Variants in CLEC7A observed in about 807,000 individuals in gnomAD.
The protein encoded by CLEC7A is C-type lectin domain containing 7A, also known as C-type lectin domain family 7 member A.
CLEC7A carries 25 observed loss-of-function variants against 26.9 expected under a neutral mutation model. The observed-to-expected ratio is 0.93, with a 90% CI of 0.68 to 1.30. The LOEUF is 1.30. Ranked by LOEUF, CLEC7A falls within the 50% of genes most tolerant of loss-of-function variation. CLEC7A has a pLI of 0.00. For missense variants in CLEC7A, 275 were observed against 286.7 expected (o/e 0.96, Z 0.29); for synonymous variants, 100 against 99.5 (o/e 1.01, Z -0.03).
chr12:10,121,880 C>T (rs752131239), intron 5 of CLEC7A, among the ~76,000 whole-genome samples: 25 of 152,042 alleles, frequency 1.6e-4, no homozygotes, highest in Non-Finnish European at 2.9e-4. Flanking sequence ...TGGTGGTGAG[C>T]GCCTGTAGTC....
At chr12:10,122,489 T>C (rs10845049) in intron 5 of CLEC7A, among the ~76,000 whole-genome samples, 76,933 of 135,432 alleles carry the variant, frequency 0.57, 25,262 homozygotes, top group Non-Finnish European at 0.74. Context: ...TTTTTCTTTT[T>C]TTTTTTTTTT....
Position 10,123,256 on chromosome 12 carries a change from G to C in CLEC7A, c.600C>G (p.Phe200Leu), listed in dbSNP as rs375085998. 29 of 1,596,064 alleles carry C rather than the reference G, an allele frequency of 1.8e-5. No homozygotes were observed. Among genetic ancestry groups the C allele is most frequent in the Non-Finnish European group, 2.4e-5 (28 of 1,163,704 alleles). ...VPWLWEDGST[F>L]SSNLFQIRTT... ...CTCCAAACACTTACAAGTTAGAAGA[G>C]AATGTTGATCCATCCTCCCAGAGCC... is the stretch of plus-strand genomic sequence containing the variant. Residue 200 changes from phenylalanine (F) to leucine (L), a missense_variant, in exon 5 of 6, where the codon TTC becomes TTG. By Grantham distance (22) the Phe-to-Leu change is conservative. Transcript: ENST00000304084.
chr12:10,116,785 T>C lies in CLEC7A; in HGVS notation c.*1673A>G, dbSNP rs568706240. On this transcript the variant is annotated 3_prime_UTR_variant, in exon 6 of 6. Coordinates refer to ENST00000304084, the MANE Select transcript of CLEC7A (RefSeq NM_197947.3). ...AATTTAGAGGCCATGGGTTTTTTGA[T>C]AAGAGTTTTTTTTTATTGAAATGAA... 6.6e-6 allele frequency: 1 copy of C among 152,092 alleles called. No individual in the cohort carries two copies. The highest frequency in any genetic ancestry group is 6.5e-5 in the Admixed American group (1 of 15,296). The allele number at this position is 152,092 out of a possible 1,614,324, so 9.4% of individuals were successfully genotyped here. A position where few individuals can be genotyped will look rare whatever the true frequency, so the allele number is the denominator to read the frequency against.
At position 10,118,342 on chromosome 12, in the gene CLEC7A, C is replaced by T. The variant is rs1947971397; in HGVS notation, c.*116G>A. 2 of 996,082 alleles carry T rather than the reference C, an allele frequency of 2.0e-6. No individual in the cohort carries two copies. Among genetic ancestry groups the T allele is most frequent in the Non-Finnish European group, 3.0e-6 (2 of 668,528 alleles). 61.7% of individuals were successfully genotyped at this position (996,082 alleles called of 1,614,324 possible). A position where few individuals can be genotyped will look rare whatever the true frequency, so the allele number is the denominator to read the frequency against. ...TTTCTTGGTTAAGATTACAGTTGGCCAAGCTCTCTAAACATTTTCTGCATT... is the reference window on the plus strand; with the variant it reads ...TTTCTTGGTTAAGATTACAGTTGGCTAAGCTCTCTAAACATTTTCTGCATT... On this transcript the variant is annotated 3_prime_UTR_variant, in exon 6 of 6. Coordinates refer to ENST00000304084, the MANE Select transcript of CLEC7A (RefSeq NM_197947.3).
intron 1 of CLEC7A, among the ~76,000 whole-genome samples, chr12:10,128,939 G>A (rs553643683): frequency 6.6e-6 from 1 of 152,258 alleles, no homozygotes; most frequent in African/African-American, 2.4e-5. Flanking sequence ...AGATAATAGG[G>A]AACTAATTTT....
In CLEC7A at chr12:10,117,324, T is replaced by A. The variant is rs1474682397; in HGVS notation, c.*1134A>T. On this transcript the variant is annotated 3_prime_UTR_variant, in exon 6 of 6. Transcript: ENST00000304084. ...CAGGCAGATCACTTGAGGTCAGGAG[T>A]TCGGGACTACCCTGACCGACATGGA... 6.6e-6 allele frequency: 1 copy of A among 151,968 alleles called. No individual in the cohort carries two copies. 9.4% of individuals were successfully genotyped at this position (151,968 alleles called of 1,614,324 possible).
At chr12:10,125,197 A>AAT in intron 4 of CLEC7A, 100 bp downstream of exon 4, 30 of 1,177,122 alleles carry the variant, frequency 2.5e-5, no homozygotes, top group African/African-American at 4.7e-5. Context: ...AAAAAAAAAA[A>AAT]AAGACTTCAT....
At chr12:10,129,864 C>A (rs952701479) in intron 1 of CLEC7A, 116 bp downstream of exon 1, 3 of 567,618 alleles carry the variant, frequency 5.3e-6, no homozygotes, top group Non-Finnish European at 9.6e-6. Context: ...TCAATCCACC[C>A]GCCTCGGCCT....
In CLEC7A at chr12:10,118,600, T is replaced by C. The variant is rs1947981426; in HGVS notation, c.612-10A>G. 9.3e-6 allele frequency: 15 copies of C among 1,610,038 alleles called. No individual in the cohort carries two copies. The highest frequency in any genetic ancestry group is 1.7e-4 in the Middle Eastern group (1 of 6,044). On this transcript the variant is annotated splice_polypyrimidine_tract_variant and intron_variant, in intron 5 of 5. Transcript: ENST00000304084. ...GGTTCTGATCTGAAATCTGTTAAAATAGAATACAGTGAGGTAATTAGAACA... is the reference window on the plus strand; with the variant it reads ...GGTTCTGATCTGAAATCTGTTAAAACAGAATACAGTGAGGTAATTAGAACA...
At chr12:10,123,605 C>G (rs1012837522) in intron 4 of CLEC7A, among the ~76,000 whole-genome samples, 1 of 145,708 alleles carries the variant, frequency 6.9e-6, no homozygotes, top group Admixed American at 6.7e-5. Context: ...ACTAAAAATA[C>G]AAAAAATTAG....
intron 2 of CLEC7A, 131 bp from the exon 3 acceptor site, chr12:10,126,839 T>C (rs1481056546): frequency 1.4e-5 from 11 of 762,966 alleles, no homozygotes; most frequent in African/African-American, 1.8e-5. Context: ...ATAGATGATA[T>C]ATTGCTGTGG....
upstream of CLEC7A, chr12:10,130,237 C>A: frequency 2.1e-6 from 1 of 477,484 alleles, no homozygotes; most frequent in Non-Finnish European, 3.8e-6. Context: ...GTAGTTCAAC[C>A]AGATATTCAA....
chr12:10,126,453 T>C (rs1948286851), intron 3 of CLEC7A, 118 bp downstream of exon 3: 1 of 1,456,776 alleles, frequency 6.9e-7, no homozygotes. Context: ...ATATGTGTAT[T>C]TGCCTTAAAT....
At chr12:10,125,853 T>C (rs1004250518) in intron 3 of CLEC7A, among the ~76,000 whole-genome samples, 3 of 152,218 alleles carry the variant, frequency 2.0e-5, no homozygotes, top group African/African-American at 7.2e-5. Context: ...AATGTGACTT[T>C]CCAAGTGAGA....
In CLEC7A at chr12:10,118,196, T is replaced by TA. The variant is rs1398488280; in HGVS notation, c.*261dup. 2.8e-6 allele frequency: 1 copy of TA among 360,108 alleles called. No individual in the cohort carries two copies. Among genetic ancestry groups the TA allele is most frequent in the Non-Finnish European group, 5.0e-6 (1 of 201,222 alleles). 22.3% of individuals were successfully genotyped at this position (360,108 alleles called of 1,614,324 possible). ...ACCCTATCTCAAAAAAATAAATAAA[T>TA]AAAAAATAAAAACTCAAGCTTGGCT... On this transcript the variant is annotated 3_prime_UTR_variant, in exon 6 of 6. Coordinates refer to ENST00000304084, the MANE Select transcript of CLEC7A (RefSeq NM_197947.3).
chr12:10,126,829 A>G (rs1948302863), intron 2 of CLEC7A, 121 bp from the exon 3 acceptor site: 2 of 791,548 alleles, frequency 2.5e-6, no homozygotes, highest in South Asian at 2.0e-5. Flanking sequence ...TTAATGATAA[A>G]TAGATGATAT....
At chr12:10,125,042 C>CA (rs1231437728) in intron 4 of CLEC7A, 8 of 459,024 alleles carry the variant, frequency 1.7e-5, no homozygotes, top group South Asian at 4.5e-5. Flanking sequence ...ATGAAAAATA[C>CA]AAAAAAACAT....
At chr12:10,121,874 G>T (rs1948096724) in intron 5 of CLEC7A, among the ~76,000 whole-genome samples, 1 of 152,164 alleles carries the variant, frequency 6.6e-6, no homozygotes, top group African/African-American at 2.4e-5. Context: ...CGGGCATGGT[G>T]GTGAGCGCCT....
intron 1 of CLEC7A, among the ~76,000 whole-genome samples, chr12:10,128,756 G>T (rs990327149): frequency 5.3e-5 from 8 of 152,138 alleles, no homozygotes; most frequent in Non-Finnish European, 1.0e-4. Flanking sequence ...ATAAACATGC[G>T]CATGTCTCCC....
Sources: allele counts gnomAD v4.1 joint callset (sites outside exome capture counted in the v4.1 genomes callset), GRCh38; gene constraint gnomAD v4.1.1; transcripts MANE v1.5; gene names NCBI Gene and HGNC (gene_info 2026-07-23, HGNC 2026-07-21).